COL6A6: variants seen among roughly 807,000 people sequenced by gnomAD.
The protein encoded by COL6A6 is collagen type VI alpha 6 chain, also known as collagen alpha-6(VI) chain.
Under a neutral mutation model 208.6 loss-of-function variants are expected in COL6A6, and 183 were observed. The ratio of observed to expected loss-of-function variants is 0.88; its 90% CI spans 0.78 to 0.99. COL6A6 has a LOEUF of 0.99. COL6A6 is among the 50% of genes least tolerant of loss of function. COL6A6 has a pLI of 0.00. For missense variants in COL6A6, 2,816 were observed against 2,815.2 expected (o/e 1.00, Z -0.01); for synonymous variants, 973 against 1,011.8 (o/e 0.96, Z 0.73).
At chr3:130,582,298 C>G (rs2063443692) in intron 10 of COL6A6, among the ~76,000 whole-genome samples, 1 of 152,132 alleles carries the variant, frequency 6.6e-6, no homozygotes, top group Non-Finnish European at 1.5e-5. Flanking sequence ...AAGTCCTATC[C>G]TTTGTTTCAT....
chr3:130,664,978 C>T (rs1310913183), intron 35 of COL6A6, 25 bp from the exon 36 acceptor site: 1 of 1,467,426 alleles, frequency 6.8e-7, no homozygotes, highest in Non-Finnish European at 9.4e-7. Context: ...GAATACAAGA[C>T]TTATCACAGA....
At chr3:130,551,451 C>G (rs1442987143) in intron 1 of COL6A6, among the ~76,000 whole-genome samples, 1 of 152,058 alleles carries the variant, frequency 6.6e-6, no homozygotes, top group African/African-American at 2.4e-5. Context: ...AGTTTGTGTT[C>G]ATAGAGCTGT....
At chr3:130,636,113 T>C (rs1333354453) in intron 28 of COL6A6, among the ~76,000 whole-genome samples, 1 of 152,258 alleles carries the variant, frequency 6.6e-6, no homozygotes, top group African/African-American at 2.4e-5. Flanking sequence ...TACTGCAACC[T>C]AATGCCCACT....
Position 130,582,031 on chromosome 3 carries a change from G to T in COL6A6, c.3933G>T (p.Glu1311Asp). 2 of 1,609,314 alleles carry T rather than the reference G, an allele frequency of 1.2e-6. No individual in the cohort carries two copies. Among genetic ancestry groups the T allele is most frequent in the Non-Finnish European group, 1.7e-6 (2 of 1,177,058 alleles). Residue 1311 changes from glutamate (E) to aspartate (D), a missense_variant, in exon 10 of 37, where the codon GAG becomes GAT. Coordinates refer to ENST00000358511, the MANE Select transcript of COL6A6 (RefSeq NM_001102608.3). Reference protein sequence around the residue: ...LFSDGLDDDVEKLEQKSDELR... With the variant: ...LFSDGLDDDVDKLEQKSDELR... ...CAGATGGATTGGATGATGATGTTGA[G>T]AAACTTGAACAAAAATCTGATGAAC...
chr3:130,620,251 C>T (rs757391143), intron 23 of COL6A6, among the ~76,000 whole-genome samples: 1 of 151,972 alleles, frequency 6.6e-6, no homozygotes, highest in African/African-American at 2.4e-5. Context: ...TGAATTCATA[C>T]GGGTGCCATT....
intron 10 of COL6A6, among the ~76,000 whole-genome samples, chr3:130,582,388 T>A (rs756176441): frequency 1.4e-4 from 21 of 152,164 alleles, no homozygotes; most frequent in Admixed American, 7.2e-4. Flanking sequence ...TATTGCTACT[T>A]CTTTAGTGTC....
Position 130,565,108 on chromosome 3 carries a change from T to C in COL6A6, c.776T>C (p.Leu259Pro). 6.2e-7 allele frequency: 1 copy of C among 1,614,004 alleles called. No homozygotes were observed. Among genetic ancestry groups the C allele is most frequent in the Non-Finnish European group, 8.5e-7 (1 of 1,179,890 alleles). Reference protein sequence around the residue: ...KGFLEESVSALDIKENCMRVG... With the variant: ...KGFLEESVSAPDIKENCMRVG... ...TTCTTGGAAGAAAGTGTATCTGCCC[T>C]TGACATAAAGGAAAATTGCATGAGG... The change falls in exon 4 of 37, where the codon CTT becomes CCT. Residue 259 changes from leucine (L) to proline (P), a missense_variant. Leu to Pro is a moderately conservative substitution (Grantham distance 98). Coordinates refer to ENST00000358511, the MANE Select transcript of COL6A6 (RefSeq NM_001102608.3).
chr3:130,620,848 G>A (rs575297067), intron 23 of COL6A6, among the ~76,000 whole-genome samples: 4 of 152,218 alleles, frequency 2.6e-5, no homozygotes, highest in East Asian at 3.9e-4. Context: ...CAACCATGAC[G>A]AAAAAATTGT....
chr3:130,590,799 C>T (rs2063693437), intron 12 of COL6A6, among the ~76,000 whole-genome samples: 1 of 151,828 alleles, frequency 6.6e-6, no homozygotes. Context: ...GATCTCCTGG[C>T]CTCTTGATCC....
At chr3:130,567,296 C>G (rs751017970) in intron 5 of COL6A6, 34 bp downstream of exon 5, 7 of 1,501,882 alleles carry the variant, frequency 4.7e-6, no homozygotes, top group Non-Finnish European at 6.3e-6. Context: ...TACTGACCTT[C>G]ACTCGCAAAT....
At position 130,564,948 on chromosome 3, in the gene COL6A6, C is replaced by T. The variant is rs142902099; in HGVS notation, c.662-46C>T. ...TGCCTTCTAATGCTCACCAAAGATG[C>T]TGAACCACCAGCTAAAATTGTGCTT... On this transcript the variant is annotated intron_variant, in intron 3 of 36. Transcript: ENST00000358511. The T allele has an allele frequency of 2.2e-4, 346 of 1,587,186 alleles. 1 individual carries two copies. The African/African-American group carries it at 3.8e-3, about 17-fold the overall frequency.
rs1432476726 is a variant in COL6A6, at chr3:130,628,778, TG to T, written c.4992+1410del. Reference sequence around the variant, plus strand: ...CAGCTCCGGTCTACAGCTCCCTGCGTGAGCGACGCAGAAGACGGTGATTTCT... The same window carrying T: ...CAGCTCCGGTCTACAGCTCCCTGCGTAGCGACGCAGAAGACGGTGATTTCT... On this transcript the variant is annotated intron_variant, in intron 26 of 36. Transcript: ENST00000358511. 4.6e-5 allele frequency among the ~76,000 whole-genome samples: 3 copies of T among 65,522 alleles called. No homozygotes were observed. In the South Asian group the frequency reaches 1.3e-3, roughly 29 times the overall value. 43.0% of individuals were successfully genotyped at this position (65,522 alleles called of 152,430 possible). A position where few individuals can be genotyped will look rare whatever the true frequency, so the allele number is the denominator to read the frequency against.
intron 1 of COL6A6, among the ~76,000 whole-genome samples, chr3:130,551,286 A>G (rs1024539443): frequency 6.6e-6 from 1 of 152,142 alleles, no homozygotes; most frequent in African/African-American, 2.4e-5. Flanking sequence ...TTAGCTTTGA[A>G]TCCACCTGGT....
chr3:130,638,707 T>C (rs1013289490), intron 28 of COL6A6, among the ~76,000 whole-genome samples: 6 of 152,066 alleles, frequency 3.9e-5, no homozygotes, highest in Admixed American at 1.3e-4. Context: ...GGATTGGATA[T>C]TCCAACAGTT....
At chr3:130,673,010 C>CAAA (rs57517362) in intron 36 of COL6A6, among the ~76,000 whole-genome samples, 5 of 96,336 alleles carry the variant, frequency 5.2e-5, no homozygotes, top group Non-Finnish European at 1.0e-4. Context: ...GACACCATCT[C>CAAA]AAAAAAAAAA....
intron 35 of COL6A6, among the ~76,000 whole-genome samples, chr3:130,663,000 G>A (rs1466197880): frequency 6.6e-6 from 1 of 152,116 alleles, no homozygotes; most frequent in Non-Finnish European, 1.5e-5. Flanking sequence ...ATTCTGAAGG[G>A]TGAAAAGCAC....
rs181841656 is a variant in COL6A6, at chr3:130,589,094, A to G, written c.4130A>G (p.Asn1377Ser). 105 of 1,613,548 alleles carry G rather than the reference A, an allele frequency of 6.5e-5. No homozygotes were observed. Among genetic ancestry groups the G allele is most frequent in the Non-Finnish European group, 8.1e-5 (95 of 1,179,500 alleles). ...TATTTCTTACCCTCTCCCAAGGTCAATGTTGCTGAAAGGACATGCTGCTGT... is the reference window on the plus strand; with the variant it reads ...TATTTCTTACCCTCTCCCAAGGTCAGTGTTGCTGAAAGGACATGCTGCTGT... ...LGSRLSKQLV[N>S]VAERTCCCLF... Residue 1377 changes from asparagine to serine, a missense_variant, in exon 12 of 37, where the codon AAT becomes AGT. By Grantham distance (46) the Asn-to-Ser change is conservative (BLOSUM62 1). Coordinates refer to ENST00000358511, the MANE Select transcript of COL6A6 (RefSeq NM_001102608.3).
chr3:130,577,276 C>A (rs1014221610), intron 8 of COL6A6, among the ~76,000 whole-genome samples: 2 of 152,116 alleles, frequency 1.3e-5, no homozygotes, highest in Non-Finnish European at 2.9e-5. Flanking sequence ...TAAGACTAAG[C>A]ACATTTTGAA....
chr3:130,539,694 A>G (rs2062313638), intron 1 of COL6A6, among the ~76,000 whole-genome samples: 1 of 152,134 alleles, frequency 6.6e-6, no homozygotes, highest in South Asian at 2.1e-4. Flanking sequence ...TACACCATGA[A>G]AAATTATGGG....
Sources: gnomAD v4.1 joint callset for allele counts (sites outside exome capture counted in the v4.1 genomes callset) on GRCh38, gnomAD v4.1.1 for gene constraint, MANE v1.5 for transcripts, NCBI Gene and HGNC (gene_info 2026-07-23, HGNC 2026-07-21) for gene names.